Variants in SLC35A4 observed in about 807,000 individuals in gnomAD.
SLC35A4 encodes solute carrier family 35 member A4.
SLC35A4 carries 9 observed loss-of-function variants against 18.8 expected under a neutral mutation model. The ratio of observed to expected loss-of-function variants is 0.48; its 90% CI spans 0.29 to 0.83. The LOEUF (loss-of-function observed/expected upper bound fraction) is 0.83, where lower values mean the gene tolerates loss of function less well. Ranked by LOEUF, SLC35A4 falls within the 40% of genes least tolerant of loss-of-function variation. The probability of loss-of-function intolerance (pLI) is 0.09; values close to 1 mark genes in which losing one functional copy is unlikely to be tolerated. For missense variants in SLC35A4, 404 were observed against 415.5 expected, an observed-to-expected ratio of 0.97 and a Z score of 0.24; for synonymous variants, 189 against 191.9, an observed-to-expected ratio of 0.98 and a Z score of 0.13.
At chr5:140,565,180 A>G in intron 1 of SLC35A4, 1 of 338,292 alleles carries the variant, frequency 3.0e-6, no homozygotes, top group Non-Finnish European at 5.3e-6. Flanking sequence ...TCCCAGTGAC[A>G]CGATGTTTCC....
rs1395898049 is a variant in SLC35A4, at chr5:140,567,961, A to G, written c.792A>G (p.Gly264=). 7 of 1,614,014 alleles carry G rather than the reference A, an allele frequency of 4.3e-6. No homozygotes were observed. The highest frequency in any genetic ancestry group is 5.9e-6 in the Non-Finnish European group (7 of 1,180,032). Residue 264 remains glycine, a synonymous_variant, in exon 3 of 3, where the codon GGA becomes GGG. Transcript: ENST00000323146. ...TGGTGCTGAGCCAGGCACTAAATGGACTGCTCATGTCTGCTGTCATGAAGC... is the reference window on the plus strand; with the variant it reads ...TGGTGCTGAGCCAGGCACTAAATGGGCTGCTCATGTCTGCTGTCATGAAGC... ...ALVVLSQALN[G]LLMSAVMKHG...
chr5:140,567,314 C>T lies in SLC35A4; in HGVS notation c.145C>T (p.Arg49Trp), dbSNP rs373995992. 12 of 1,614,050 alleles carry T rather than the reference C, an allele frequency of 7.4e-6. No individual in the cohort carries two copies. The African/African-American group carries it at 9.3e-5, about 13-fold the overall frequency. ...LCHVDGRVPF[R>W]PSSAVLLTEL... ...CCATGTGGACGGCCGAGTGCCCTTCCGGCCCTCCTCAGCCGTGCTGCTGAC... is the reference window on the plus strand; with the variant it reads ...CCATGTGGACGGCCGAGTGCCCTTCTGGCCCTCCTCAGCCGTGCTGCTGAC... Residue 49 changes from arginine (R) to tryptophan (W), a missense_variant, in exon 3 of 3, where the codon CGG becomes TGG. Arg to Trp is a moderately radical substitution (Grantham distance 101). Coordinates refer to ENST00000323146, the MANE Select transcript of SLC35A4 (RefSeq NM_080670.4).
intron 1 of SLC35A4, chr5:140,565,601 C>T (rs1755167171): frequency 4.0e-6 from 1 of 249,846 alleles, no homozygotes; most frequent in East Asian, 7.3e-5. Flanking sequence ...GTCCCTCCTG[C>T]CTTTCCTACA....
chr5:140,565,933 C>T lies in SLC35A4; in HGVS notation c.-644C>T, dbSNP rs1755175834. 2.5e-6 allele frequency: 1 copy of T among 398,926 alleles called. No individual in the cohort carries two copies. Among genetic ancestry groups the T allele is most frequent in the Non-Finnish European group, 4.4e-6 (1 of 226,080 alleles). The allele number at this position is 398,926 out of a possible 1,614,324, so 24.7% of individuals were successfully genotyped here. A position where few individuals can be genotyped will look rare whatever the true frequency, so the allele number is the denominator to read the frequency against. On this transcript the variant is annotated 5_prime_UTR_variant, in exon 2 of 3. Transcript: ENST00000323146. ...CAAGAACCAGCTGGAAAGCCTGCAG[C>T]GGCGTGTAGAAGACGAAGTCAACAG...
rs369732831 is a variant in SLC35A4 at position 140,568,382 on chromosome 5, C to A, written c.*238C>A. ...AATGCTTACCATCCCCCACCCCCAA[C>A]CAAGTTCTTCCAGACTAAAGAATTA... is the stretch of plus-strand genomic sequence containing the variant. On this transcript the variant is annotated 3_prime_UTR_variant, in exon 3 of 3. Coordinates refer to ENST00000323146, the MANE Select transcript of SLC35A4 (RefSeq NM_080670.4). 2.1e-4 allele frequency: 129 copies of A among 611,818 alleles called. 2 individuals are homozygous for A. The South Asian group carries it at 2.7e-3, about 13-fold the overall frequency. 37.9% of individuals were successfully genotyped at this position (611,818 alleles called of 1,614,324 possible). A position where few individuals can be genotyped will look rare whatever the true frequency, so the allele number is the denominator to read the frequency against.
Position 140,568,095 on chromosome 5 carries a change from C to T in SLC35A4, c.926C>T (p.Ala309Val). The change falls in exon 3 of 3, where the codon GCC (alanine) becomes GTC (valine). Residue 309 changes from alanine to valine, a missense_variant. Coordinates refer to ENST00000323146, the MANE Select transcript of SLC35A4 (RefSeq NM_080670.4). Reference sequence around the variant, plus strand: ...CAGCTCACAGCCGCCTTCTTCCTGGCCACATTGCTCATTGGCCTGGCCATG... The same window carrying T: ...CAGCTCACAGCCGCCTTCTTCCTGGTCACATTGCTCATTGGCCTGGCCATG... ...RLQLTAAFFL[A>V]TLLIGLAMRL... 6.2e-7 allele frequency: 1 copy of T among 1,613,924 alleles called. No individual in the cohort carries two copies. Among genetic ancestry groups the T allele is most frequent in the Non-Finnish European group, 8.5e-7 (1 of 1,180,040 alleles).
At chr5:140,565,572 T>C in intron 1 of SLC35A4, 1 of 203,262 alleles carries the variant, frequency 4.9e-6, no homozygotes, top group Non-Finnish European at 9.8e-6. Flanking sequence ...CTGATGGACC[T>C]AATTAAAGGT....
rs1432714904 is a variant in SLC35A4 at position 140,567,024 on chromosome 5, G to T, written c.-146G>T. 1 of 1,263,864 alleles carries T rather than the reference G, an allele frequency of 7.9e-7. No individual in the cohort carries two copies. Among genetic ancestry groups the T allele is most frequent in the Non-Finnish European group, 1.1e-6 (1 of 882,936 alleles). 78.3% of individuals were successfully genotyped at this position (1,263,864 alleles called of 1,614,324 possible). ...CCTTACTCTTCAAGCCCTGACTGTG[G>T]AGTTGGTAGATGCCTCTGATCCTCA... On this transcript the variant is annotated 5_prime_UTR_variant, in exon 3 of 3. Transcript: ENST00000323146.
rs201059756 is a variant in SLC35A4 at position 140,568,131 on chromosome 5, A to G, written c.962A>G (p.Tyr321Cys). 422 of 1,613,104 alleles carry G rather than the reference A, an allele frequency of 2.6e-4. No homozygotes were observed. Among genetic ancestry groups the G allele is most frequent in the Non-Finnish European group, 3.3e-4 (395 of 1,180,026 alleles). Residue 321 changes from tyrosine (Y) to cysteine (C), a missense_variant, in exon 3 of 3, where the codon TAT (tyrosine) becomes TGT (cysteine). Tyr to Cys is a radical substitution (Grantham distance 194). Coordinates refer to ENST00000323146, the MANE Select transcript of SLC35A4 (RefSeq NM_080670.4). ...ATTGGCCTGGCCATGCGCCTGTACT[A>G]TGGCAGCCGCTAGTCCCTGACAACT... ...LLIGLAMRLYYGSR is the reference protein window; with the variant it reads ...LLIGLAMRLYCGSR
rs76819422 is a variant in SLC35A4, at chr5:140,568,373, C to A, written c.*229C>A. The A allele has an allele frequency of 6.3e-6, 4 of 634,376 alleles. No individual in the cohort carries two copies. The highest frequency in any genetic ancestry group is 1.1e-5 in the Non-Finnish European group (4 of 361,458). 39.3% of individuals were successfully genotyped at this position (634,376 alleles called of 1,614,324 possible). On this transcript the variant is annotated 3_prime_UTR_variant, in exon 3 of 3. Coordinates refer to ENST00000323146, the MANE Select transcript of SLC35A4 (RefSeq NM_080670.4). ...GGTTAAGGAAATGCTTACCATCCCC[C>A]ACCCCCAACCAAGTTCTTCCAGACT...
In SLC35A4 at chr5:140,567,691, AGCT is replaced by A; in HGVS notation, c.528_530del (p.Ala177del). 1 of 1,614,076 alleles carries A rather than the reference AGCT, an allele frequency of 6.2e-7. No homozygotes were observed. Among genetic ancestry groups the A allele is most frequent in the South Asian group, 1.1e-5 (1 of 91,082 alleles). On this transcript the variant is annotated inframe_deletion, in exon 3 of 3. Coordinates refer to ENST00000323146, the MANE Select transcript of SLC35A4 (RefSeq NM_080670.4). Reference sequence around the variant, plus strand: ...ACACCCTTCCCAGTCCCCCTCCAGCAGCTGCTGCCAGCCCCATGCCCCTGCATA... The same window carrying A: ...ACACCCTTCCCAGTCCCCCTCCAGCAGCTGCCAGCCCCATGCCCCTGCATA...
At chr5:140,566,447 C>A (rs1460318498) in intron 2 of SLC35A4, 118 bp from the exon 3 acceptor site, 1 of 398,968 alleles carries the variant, frequency 2.5e-6, no homozygotes, top group African/African-American at 2.1e-5. Context: ...GGAGAAAATA[C>A]CACGGTTGTC....
At position 140,566,909 on chromosome 5, in the gene SLC35A4, T is replaced by C; in HGVS notation, c.-261T>C. The C allele has an allele frequency of 1.6e-6, 1 of 643,502 alleles. No homozygotes were observed. Among genetic ancestry groups the C allele is most frequent in the Admixed American group, 2.4e-5 (1 of 41,842 alleles). 39.9% of individuals were successfully genotyped at this position (643,502 alleles called of 1,614,324 possible). On this transcript the variant is annotated 5_prime_UTR_variant, in exon 3 of 3. Transcript: ENST00000323146. ...CTCCCTTCCTGCAGATTGTGGACAG[T>C]AGTTCCTCAGCCTGCACCCTGGATT...
Position 140,565,916 on chromosome 5 carries a change from A to G in SLC35A4, c.-661A>G. On this transcript the variant is annotated 5_prime_UTR_variant, in exon 2 of 3. Coordinates refer to ENST00000323146, the MANE Select transcript of SLC35A4 (RefSeq NM_080670.4). The stretch of plus-strand genomic sequence containing the variant: ...AAGGACCTGGCATTTCTCAAGAACC[A>G]GCTGGAAAGCCTGCAGCGGCGTGTA... The G allele has an allele frequency of 5.0e-6, 2 of 398,976 alleles. No homozygotes were observed. The highest frequency in any genetic ancestry group is 8.8e-6 in the Non-Finnish European group (2 of 226,064). 24.7% of individuals were successfully genotyped at this position (398,976 alleles called of 1,614,324 possible).
rs575796755 is a variant in SLC35A4, at chr5:140,565,926, C to T, written c.-651C>T. On this transcript the variant is annotated 5_prime_UTR_variant, in exon 2 of 3. Transcript: ENST00000323146. ...CATTTCTCAAGAACCAGCTGGAAAG[C>T]CTGCAGCGGCGTGTAGAAGACGAAG... The T allele has an allele frequency of 1.8e-5, 7 of 398,840 alleles. No homozygotes were observed. The highest frequency in any genetic ancestry group is 2.2e-5 in the Non-Finnish European group (5 of 226,060). 24.7% of individuals were successfully genotyped at this position (398,840 alleles called of 1,614,324 possible).
At position 140,568,477 on chromosome 5, in the gene SLC35A4, A is replaced by G. The variant is rs1010676466; in HGVS notation, c.*333A>G. 3 of 363,986 alleles carry G rather than the reference A, an allele frequency of 8.2e-6. No individual in the cohort carries two copies. Among genetic ancestry groups the G allele is most frequent in the African/African-American group, 4.2e-5 (2 of 47,298 alleles). 22.5% of individuals were successfully genotyped at this position (363,986 alleles called of 1,614,324 possible). A position where few individuals can be genotyped will look rare whatever the true frequency, so the allele number is the denominator to read the frequency against. On this transcript the variant is annotated 3_prime_UTR_variant, in exon 3 of 3. Transcript: ENST00000323146. The stretch of plus-strand genomic sequence containing the variant: ...TGGGCAGCTCCCTGCTTTGTCCTGC[A>G]TGAACAGAGTTGATGAAAGTGGGGT...
Position 140,567,182 on chromosome 5 carries a change from G to T in SLC35A4, c.13G>T (p.Asp5Tyr). The T allele has an allele frequency of 6.2e-7, 1 of 1,613,388 alleles. No homozygotes were observed. The highest frequency in any genetic ancestry group is 8.5e-7 in the Non-Finnish European group (1 of 1,179,756). MSVEDGGMPGLGRPR... is the reference protein window; with the variant it reads MSVEYGGMPGLGRPR... The stretch of plus-strand genomic sequence containing the variant: ...GTCTTGTGTGGGTATGAGTGTAGAG[G>T]ATGGGGGTATGCCAGGCCTGGGCCG... The change falls in exon 3 of 3, where the codon GAT becomes TAT. Residue 5 changes from aspartate to tyrosine, a missense_variant. By Grantham distance (160) the Asp-to-Tyr change is radical. Transcript: ENST00000323146.
In SLC35A4 at chr5:140,568,293, T is replaced by C. The variant is rs1475181513; in HGVS notation, c.*149T>C. ...GGAGAAGTGAGGGCAGCCAGGTTATTCTCTGGAGGTTGGTGGATGAAGGGG... is the reference window on the plus strand; with the variant it reads ...GGAGAAGTGAGGGCAGCCAGGTTATCCTCTGGAGGTTGGTGGATGAAGGGG... On this transcript the variant is annotated 3_prime_UTR_variant, in exon 3 of 3. Transcript: ENST00000323146. The C allele has an allele frequency of 2.1e-5, 27 of 1,290,824 alleles. No individual in the cohort carries two copies. The highest frequency in any genetic ancestry group is 3.0e-5 in the African/African-American group (2 of 67,462). The allele number at this position is 1,290,824 out of a possible 1,614,324, so 80.0% of individuals were successfully genotyped here. A position where few individuals can be genotyped will look rare whatever the true frequency, so the allele number is the denominator to read the frequency against.
chr5:140,567,195 C>G lies in SLC35A4; in HGVS notation c.26C>G (p.Pro9Arg). Residue 9 changes from proline to arginine, a missense_variant, in exon 3 of 3, where the codon CCA (proline) becomes CGA (arginine). By Grantham distance (103) the Pro-to-Arg change is moderately radical. Transcript: ENST00000323146. ...ATGAGTGTAGAGGATGGGGGTATGC[C>G]AGGCCTGGGCCGTCCCAGGCAGGCC... The part of the protein sequence containing the change: MSVEDGGM[P>R]GLGRPRQARW... 1 of 1,613,734 alleles carries G rather than the reference C, an allele frequency of 6.2e-7. No homozygotes were observed. Among genetic ancestry groups the G allele is most frequent in the Non-Finnish European group, 8.5e-7 (1 of 1,179,844 alleles).
Sources: gnomAD v4.1 joint callset for allele counts on GRCh38, gnomAD v4.1.1 for gene constraint, MANE v1.5 for transcripts, NCBI Gene and HGNC (gene_info 2026-07-23, HGNC 2026-07-21) for gene names.